The following FOXN3 variants were observed in gnomAD, a reference collection of about 807,000 sequenced individuals.
FOXN3 encodes the protein forkhead box protein N3.
In FOXN3, 7 loss-of-function variants were observed where a neutral mutation model predicts 38.4. The ratio of observed to expected loss-of-function variants is 0.18; its 90% CI spans 0.10 to 0.34. FOXN3 has a LOEUF of 0.34. FOXN3 is among the 10% of genes least tolerant of loss of function. The pLI is 1.00. For missense variants in FOXN3, 456 were observed against 613.4 expected (o/e 0.74, Z 2.71); for synonymous variants, 230 against 242.2 (o/e 0.95, Z 0.47).
intron 4 of FOXN3, among the ~76,000 whole-genome samples, chr14:89,274,858 C>G (rs540417616): frequency 6.6e-6 from 1 of 152,204 alleles, no homozygotes; most frequent in Non-Finnish European, 1.5e-5. Context: ...GCATCCTCAG[C>G]CTTTGCCCCA....
chr14:89,503,707 C>T (rs1343070842), intron 1 of FOXN3, among the ~76,000 whole-genome samples: 1 of 152,194 alleles, frequency 6.6e-6, no homozygotes. Context: ...GGCTCGGTTA[C>T]AAGTGTGTGA....
At chr14:89,421,590 C>T (rs1035995921), upstream of FOXN3, among the ~76,000 whole-genome samples, 1 of 148,912 alleles carries the variant, frequency 6.7e-6, no homozygotes, top group African/African-American at 2.5e-5. Flanking sequence ...GCAGTGGCGC[C>T]ATCTTGGCTC....
At chr14:89,528,017 GT>G (rs1894467355) in intron 1 of FOXN3, among the ~76,000 whole-genome samples, 1 of 152,150 alleles carries the variant, frequency 6.6e-6, no homozygotes, top group Non-Finnish European at 1.5e-5. Flanking sequence ...ATCATACCAA[GT>G]TTTAGCAAAG....
chr14:89,360,760 C>CCAG lies in FOXN3; in HGVS notation c.544-9953_544-9952insCTG, dbSNP rs1420416852. On this transcript the variant is annotated intron_variant, in intron 2 of 5. Transcript: ENST00000557258. ...TCCAGCACCACCTCCACCACCACCTCCACCACTACCACCTCCACCACCACC... is the reference window on the plus strand; with the variant it reads ...TCCAGCACCACCTCCACCACCACCTCCAGCACCACTACCACCTCCACCACCACC... 1.9e-4 allele frequency among the ~76,000 whole-genome samples: 21 copies of CCAG among 108,364 alleles called. 2 individuals are homozygous for CCAG. Among genetic ancestry groups the CCAG allele is most frequent in the East Asian group, 8.8e-4 (3 of 3,398 alleles). The allele number at this position is 108,364 out of a possible 152,430, so 71.1% of individuals were successfully genotyped here. A position where few individuals can be genotyped will look rare whatever the true frequency, so the allele number is the denominator to read the frequency against.
intron 1 of FOXN3, among the ~76,000 whole-genome samples, chr14:89,448,944 C>CAA (rs56206718): frequency 6.8e-6 from 1 of 146,292 alleles, no homozygotes; most frequent in South Asian, 2.2e-4. Flanking sequence ...AACACTGTCT[C>CAA]AAAAAAAAAA....
intron 4 of FOXN3, among the ~76,000 whole-genome samples, chr14:89,219,559 C>A (rs1254427508): frequency 6.6e-6 from 1 of 152,180 alleles, no homozygotes; most frequent in Admixed American, 6.5e-5. Flanking sequence ...AGCATGGCAC[C>A]ACATGCAGTG....
At chr14:89,291,228 A>C (rs1207586390) in intron 3 of FOXN3, 1 of 433,736 alleles carries the variant, frequency 2.3e-6, no homozygotes, top group African/African-American at 2.1e-5. Flanking sequence ...ATGACTAAAC[A>C]TGTTACTCCC....
At chr14:89,317,003 T>C (rs912050927) in intron 3 of FOXN3, among the ~76,000 whole-genome samples, 1 of 152,132 alleles carries the variant, frequency 6.6e-6, no homozygotes, top group African/African-American at 2.4e-5. Context: ...TTTGAGGTGT[T>C]TGATCAGCAG....
chr14:89,286,934 A>G, intron 3 of FOXN3, among the ~76,000 whole-genome samples: 1 of 152,206 alleles, frequency 6.6e-6, no homozygotes, highest in Non-Finnish European at 1.5e-5. Context: ...GGCAATTAAA[A>G]GGGATCTCTG....
chr14:89,551,805 C>T (rs1409438655), intron 1 of FOXN3, among the ~76,000 whole-genome samples: 2 of 152,090 alleles, frequency 1.3e-5, no homozygotes, highest in Non-Finnish European at 2.9e-5. Flanking sequence ...GCTAGATACT[C>T]ATCTAGGGGT....
chr14:89,616,837 C>T (rs896696422), intron 1 of FOXN3, among the ~76,000 whole-genome samples: 24 of 152,176 alleles, frequency 1.6e-4, no homozygotes, highest in Non-Finnish European at 3.4e-4. Context: ...GTTTAAGGCT[C>T]TTTCCTCAAA....
intron 1 of FOXN3, among the ~76,000 whole-genome samples, chr14:89,423,705 A>G (rs1320948343): frequency 6.6e-6 from 1 of 152,264 alleles, no homozygotes; most frequent in Non-Finnish European, 1.5e-5. Flanking sequence ...CAATTGTGAT[A>G]TCTCATTTCA....
intron 1 of FOXN3, among the ~76,000 whole-genome samples, chr14:89,598,212 C>A (rs1262267648): frequency 1.3e-5 from 2 of 152,106 alleles, no homozygotes; most frequent in African/African-American, 4.8e-5. Flanking sequence ...TTATGTTCTA[C>A]TTTTACCATG....
At chr14:89,269,485 GT>G (rs56189442) in intron 4 of FOXN3, among the ~76,000 whole-genome samples, 28 of 148,292 alleles carry the variant, frequency 1.9e-4, no homozygotes, top group African/African-American at 5.4e-4. Flanking sequence ...GTTTTGTTTT[GT>G]TTTTTTTTTT....
At chr14:89,209,055 C>T (rs771159501) in intron 4 of FOXN3, among the ~76,000 whole-genome samples, 5 of 152,228 alleles carry the variant, frequency 3.3e-5, no homozygotes, top group Non-Finnish European at 5.9e-5. Flanking sequence ...CTACCTTCCA[C>T]GGATATTTGG....
intron 2 of FOXN3, among the ~76,000 whole-genome samples, chr14:89,391,822 T>C (rs1890955871): frequency 6.6e-6 from 1 of 152,136 alleles, no homozygotes; most frequent in Admixed American, 6.5e-5. Flanking sequence ...CTGGGCAACA[T>C]GGCCAAACCC....
At chr14:89,334,006 A>ATATATATATATG (rs1555418840) in intron 3 of FOXN3, among the ~76,000 whole-genome samples, 3 of 49,398 alleles carry the variant, frequency 6.1e-5, no homozygotes, top group Admixed American at 3.1e-4. Context: ...ATATATATAT[A>ATATATATATATG]TATGTATATA....
chr14:89,503,977 G>A (rs558102595), intron 1 of FOXN3, among the ~76,000 whole-genome samples: 4 of 152,246 alleles, frequency 2.6e-5, no homozygotes, highest in South Asian at 4.1e-4. Flanking sequence ...AGCTACAAAG[G>A]AAATGACCAG....
At chr14:89,246,014 G>C (rs868062164) in intron 4 of FOXN3, among the ~76,000 whole-genome samples, 4 of 152,162 alleles carry the variant, frequency 2.6e-5, no homozygotes, top group Non-Finnish European at 5.9e-5. Flanking sequence ...TGTGAGGACG[G>C]GTGATGGCTT....
Sources: gnomAD v4.1 joint callset for allele counts (sites outside exome capture counted in the v4.1 genomes callset) on GRCh38, gnomAD v4.1.1 for gene constraint, MANE v1.5 for transcripts, NCBI Gene and HGNC (gene_info 2026-07-23, HGNC 2026-07-21) for gene names.